RAD51B: variants seen among roughly 807,000 people sequenced by gnomAD.
RAD51B encodes RAD51 paralog B.
In RAD51B, 38 loss-of-function variants were observed where a neutral mutation model predicts 42.2. The observed-to-expected ratio is 0.90, with a 90% CI of 0.70 to 1.18. RAD51B has a LOEUF of 1.18. RAD51B is among the 50% of genes most tolerant of loss of function. RAD51B has a pLI of 0.00. For missense variants in RAD51B, 373 were observed against 400.7 expected (o/e 0.93, Z 0.59); for synonymous variants, 154 against 145.2 (o/e 1.06, Z -0.43).
intron 7 of RAD51B, among the ~76,000 whole-genome samples, chr14:68,134,724 T>A (rs2077973032): frequency 6.6e-6 from 1 of 152,116 alleles, no homozygotes; most frequent in Non-Finnish European, 1.5e-5. Flanking sequence ...ATATCCCGCT[T>A]GAGTGAAAGG....
In RAD51B at chr14:68,497,377, G is replaced by A. The variant is rs1309904912; in HGVS notation, c.1036+29127G>A. 2.7e-5 allele frequency: 32 copies of A among 1,198,480 alleles called. No homozygotes were observed. In the East Asian group the frequency reaches 1.2e-3, roughly 47 times the overall value. The allele number at this position is 1,198,480 out of a possible 1,614,324, so 74.2% of individuals were successfully genotyped here. A position where few individuals can be genotyped will look rare whatever the true frequency, so the allele number is the denominator to read the frequency against. ...CATCATAAGCTGATTTGATACCATGGCACTGACAATGGGCACTGATTTGAT... is the reference window on the plus strand; with the variant it reads ...CATCATAAGCTGATTTGATACCATGACACTGACAATGGGCACTGATTTGAT... On this transcript the variant is annotated intron_variant, in intron 10 of 10. Transcript: ENST00000487270.
intron 8 of RAD51B, among the ~76,000 whole-genome samples, chr14:68,356,434 CAAAA>C (rs55768026): frequency 1.8e-4 from 19 of 106,380 alleles, no homozygotes; most frequent in Non-Finnish European, 1.6e-4. Flanking sequence ...GACTCCGTCT[CAAAA>C]AAAAAAAAAA....
intron 8 of RAD51B, among the ~76,000 whole-genome samples, chr14:68,329,501 G>C (rs781482138): frequency 1.6e-4 from 25 of 152,130 alleles, no homozygotes; most frequent in Non-Finnish European, 3.4e-4. Context: ...CTTTTCTTTG[G>C]TTCCAGAGAG....
rs533185391 is a variant in RAD51B at position 68,298,716 on chromosome 14, C to T, written c.853+6736C>T. ...GGCCAAAAGCCGAGAGAATGGGATG[C>T]CAAGAGGTGGTGTGATCCCAGAGGC... On this transcript the variant is annotated intron_variant, in intron 8 of 10. Transcript: ENST00000471583. 6.4e-4 allele frequency among the ~76,000 whole-genome samples: 97 copies of T among 152,220 alleles called. 5 individuals carry two copies. In the South Asian group the frequency reaches 0.019, roughly 30 times the overall value.
intron 5 of RAD51B, among the ~76,000 whole-genome samples, chr14:67,882,253 A>G (rs2042930022): frequency 1.3e-5 from 2 of 152,118 alleles, no homozygotes; most frequent in African/African-American, 4.8e-5. Flanking sequence ...GATTATAGGC[A>G]TGAGCCACCA....
At chr14:67,849,177 C>T (rs2041721216) in intron 4 of RAD51B, among the ~76,000 whole-genome samples, 1 of 152,186 alleles carries the variant, frequency 6.6e-6, no homozygotes, top group African/African-American at 2.4e-5. Flanking sequence ...ACTTTTTCTC[C>T]TCTCTCAGGA....
chr14:68,405,535 C>T (rs1262361127), intron 8 of RAD51B, among the ~76,000 whole-genome samples: 1 of 151,956 alleles, frequency 6.6e-6, no homozygotes, highest in African/African-American at 2.4e-5. Context: ...TGTAAGAACT[C>T]CTAAAAATAC....
chr14:68,428,396 C>T (rs1011727411), intron 9 of RAD51B, among the ~76,000 whole-genome samples: 2 of 151,896 alleles, frequency 1.3e-5, no homozygotes, highest in Non-Finnish European at 2.9e-5. Flanking sequence ...AACATGAGAT[C>T]TATCCTTTTG....
intron 7 of RAD51B, among the ~76,000 whole-genome samples, chr14:68,132,753 C>T (rs2077921040): frequency 1.3e-5 from 2 of 152,198 alleles, no homozygotes; most frequent in Non-Finnish European, 2.9e-5. Flanking sequence ...AGCTCATTTT[C>T]CCTCTGCAGA....
chr14:68,374,450 T>C (rs541065052), intron 8 of RAD51B, among the ~76,000 whole-genome samples: 1 of 152,300 alleles, frequency 6.6e-6, no homozygotes, highest in South Asian at 2.1e-4. Context: ...CTCAGAGCTA[T>C]ACAACCTAGG....
rs1161336078 is a variant in RAD51B, at chr14:68,318,720, T to C, written c.853+26740T>C. Among the ~76,000 whole-genome samples the C allele has an allele frequency of 3.9e-5, 6 of 152,334 alleles. No individual in the cohort carries two copies. In the South Asian group the frequency reaches 1.2e-3, roughly 32 times the overall value. ...TGTAGCTAGAGACAATGGCCAGCACTGTTGGGCCTTGCCCCTTAAGCCCCG... is the reference window on the plus strand; with the variant it reads ...TGTAGCTAGAGACAATGGCCAGCACCGTTGGGCCTTGCCCCTTAAGCCCCG... On this transcript the variant is annotated intron_variant, in intron 8 of 10. Transcript: ENST00000471583.
intron 7 of RAD51B, among the ~76,000 whole-genome samples, chr14:68,263,380 G>A (rs2080925786): frequency 6.6e-6 from 1 of 152,142 alleles, no homozygotes; most frequent in Non-Finnish European, 1.5e-5. Flanking sequence ...GAGTGAAAAG[G>A]GAAATCACCA....
At chr14:68,575,287 A>G (rs1300819402) in intron 10 of RAD51B, among the ~76,000 whole-genome samples, 1 of 152,144 alleles carries the variant, frequency 6.6e-6, no homozygotes, top group East Asian at 1.9e-4. Context: ...GACTTTCCCA[A>G]GTTCTCATAG....
rs150175418 is a variant in RAD51B at position 67,986,509 on chromosome 14, G to A, written c.756+99305G>A. 3.3e-5 allele frequency among the ~76,000 whole-genome samples: 5 copies of A among 152,178 alleles called. 1 individual carries two copies. The East Asian group carries it at 5.8e-4, about 18-fold the overall frequency. ...CTCTGTGGAAACCCTTTGCAATAAC[G>A]TTTGACCTTTTTTCCATATACAGAG... On this transcript the variant is annotated intron_variant, in intron 7 of 10. Transcript: ENST00000471583.
At chr14:68,029,811 C>T (rs752554655) in intron 7 of RAD51B, among the ~76,000 whole-genome samples, 10 of 152,178 alleles carry the variant, frequency 6.6e-5, no homozygotes, top group African/African-American at 4.8e-5. Context: ...ATCTGTGGCA[C>T]TTACAGCCTC....
At chr14:68,606,077 A>G (rs990702610) in intron 10 of RAD51B, among the ~76,000 whole-genome samples, 1 of 152,120 alleles carries the variant, frequency 6.6e-6, no homozygotes, top group African/African-American at 2.4e-5. Flanking sequence ...TGCCCTAACC[A>G]CACTCCCAGG....
At chr14:68,191,041 TA>T (rs957898537) in intron 7 of RAD51B, among the ~76,000 whole-genome samples, 36 of 127,220 alleles carry the variant, frequency 2.8e-4, no homozygotes, top group Non-Finnish European at 4.7e-4. Context: ...AGCTTTTTTT[TA>T]AAAAAAGAGA....
At position 68,573,564 on chromosome 14, in the gene RAD51B, T is replaced by G. The variant is rs142523169; in HGVS notation, c.1037-20921T>G. On this transcript the variant is annotated intron_variant, in intron 10 of 10. Coordinates refer to the RAD51B transcript ENST00000487270. ...CCTGGCTTTATTTTTCTCCATATAT[T>G]TGTCACCAAATAACACATGAGAGCT... 4.8e-4 allele frequency among the ~76,000 whole-genome samples: 73 copies of G among 152,342 alleles called. 1 individual carries two copies. In the Middle Eastern group the frequency reaches 0.01, roughly 21 times the overall value.
intron 10 of RAD51B, among the ~76,000 whole-genome samples, chr14:68,547,724 G>A (rs978866300): frequency 3.3e-5 from 5 of 152,148 alleles, no homozygotes; most frequent in Non-Finnish European, 7.3e-5. Context: ...TTTCCTGGGC[G>A]TTTTTCCTTC....
Sources: allele counts gnomAD v4.1 joint callset (sites outside exome capture counted in the v4.1 genomes callset), GRCh38; gene constraint gnomAD v4.1.1; transcripts MANE v1.5; gene names NCBI Gene and HGNC (gene_info 2026-07-23, HGNC 2026-07-21).